MCM10: variants seen among roughly 807,000 people sequenced by gnomAD.
MCM10 encodes minichromosome maintenance 10 replication initiation factor, also known as protein MCM10 homolog.
Under a neutral mutation model 109.9 loss-of-function variants are expected in MCM10, and 91 were observed. That is an observed-to-expected ratio of 0.83 (90% CI 0.70 to 0.99). The LOEUF (loss-of-function observed/expected upper bound fraction) is 0.99, where lower values mean the gene tolerates loss of function less well. Ranked by LOEUF, MCM10 falls within the 50% of genes least tolerant of loss-of-function variation. The pLI is 0.00. For synonymous variants in MCM10, 380 were observed against 387.2 expected, an observed-to-expected ratio of 0.98 and a Z score of 0.22; for missense variants, 1,077 against 1,061.2, an observed-to-expected ratio of 1.01 and a Z score of -0.21.
chr10:13,184,317 G>C (rs964845319), intron 8 of MCM10, among the ~76,000 whole-genome samples: 2 of 152,092 alleles, frequency 1.3e-5, no homozygotes, highest in African/African-American at 4.8e-5. Context: ...AATTTTTATG[G>C]TGGCATCAAG....
Position 13,189,031 on chromosome 10 carries a change from G to T in MCM10, c.1366G>T (p.Asp456Tyr). Reference sequence around the variant, plus strand: ...CAGCCTCAAAGAACGGCTGTGCCAAGATGGCTTTTACTACGGAGGGGTTTC... The same window carrying T: ...CAGCCTCAAAGAACGGCTGTGCCAATATGGCTTTTACTACGGAGGGGTTTC... ...GTSLKERLCQ[D>Y]GFYYGGVSSA... Residue 456 changes from aspartate (D) to tyrosine (Y), a missense_variant, in exon 10 of 20, where the codon GAT (aspartate) becomes TAT (tyrosine). Coordinates refer to ENST00000378714, the MANE Select transcript of MCM10 (RefSeq NM_018518.5). 1.2e-6 allele frequency: 2 copies of T among 1,614,254 alleles called. No individual in the cohort carries two copies. The highest frequency in any genetic ancestry group is 1.7e-6 in the Non-Finnish European group (2 of 1,180,052).
In MCM10 at chr10:13,192,378, G is replaced by A. The variant is rs1219862668; in HGVS notation, c.1627+13G>A. The A allele has an allele frequency of 6.2e-7, 1 of 1,613,394 alleles. No individual in the cohort carries two copies. Among genetic ancestry groups the A allele is most frequent in the African/African-American group, 1.3e-5 (1 of 74,994 alleles). On this transcript the variant is annotated intron_variant, in intron 12 of 19. Coordinates refer to ENST00000378714, the MANE Select transcript of MCM10 (RefSeq NM_018518.5). ...GCCACAGCTTCAGGTACCATCAGCTGCATGGCCACACGTGTGTCCCTGTGT... is the reference window on the plus strand; with the variant it reads ...GCCACAGCTTCAGGTACCATCAGCTACATGGCCACACGTGTGTCCCTGTGT...
intron 17 of MCM10, 41 bp from the exon 18 acceptor site, chr10:13,204,178 G>T (rs753154826): frequency 1.9e-6 from 3 of 1,600,636 alleles, no homozygotes; most frequent in Admixed American, 1.7e-5. Context: ...GTCCTCAAAG[G>T]CTCTTCACCG....
At chr10:13,191,102 C>A (rs761132314) in intron 10 of MCM10, among the ~76,000 whole-genome samples, 197 bp from the exon 11 acceptor site, 22 of 152,106 alleles carry the variant, frequency 1.4e-4, no homozygotes, top group Non-Finnish European at 2.9e-4. Context: ...TTGTAGGCTG[C>A]CTCTAGCTTT....
intron 8 of MCM10, among the ~76,000 whole-genome samples, chr10:13,183,483 C>T (rs1203161437): frequency 6.6e-6 from 1 of 152,100 alleles, no homozygotes; most frequent in African/African-American, 2.4e-5. Flanking sequence ...TAGTCTACCT[C>T]CAGAAAATAA....
At position 13,189,065 on chromosome 10, in the gene MCM10, C is replaced by G. The variant is rs201257636; in HGVS notation, c.1400C>G (p.Ser467Trp). The G allele has an allele frequency of 2.0e-5, 33 of 1,614,192 alleles. 1 individual carries two copies. The Admixed American group carries it at 4.2e-4, about 20-fold the overall frequency. The change falls in exon 10 of 20, where the codon TCG (serine) becomes TGG (tryptophan). Residue 467 changes from serine (S) to tryptophan (W), a missense_variant. Coordinates refer to ENST00000378714, the MANE Select transcript of MCM10 (RefSeq NM_018518.5). ...TACTACGGAGGGGTTTCTTCTGCCT[C>G]GTATGCAGCTTCAATGTAAGACGTT... Reference protein sequence around the residue: ...GFYYGGVSSASYAASIAAAVA... With the variant: ...GFYYGGVSSAWYAASIAAAVA...
intron 9 of MCM10, among the ~76,000 whole-genome samples, chr10:13,187,479 C>T (rs538703592): frequency 8.3e-4 from 127 of 152,254 alleles, no homozygotes; most frequent in Middle Eastern, 3.4e-3. Flanking sequence ...TTTTCCACTC[C>T]CTTGGGCATA....
At chr10:13,169,350 C>T (rs1293935288) in intron 2 of MCM10, among the ~76,000 whole-genome samples, 1 of 152,202 alleles carries the variant, frequency 6.6e-6, no homozygotes, top group Non-Finnish European at 1.5e-5. Context: ...CACTTAACCT[C>T]ACTCCTTGTG....
chr10:13,181,772 A>G lies in MCM10; in HGVS notation c.931-1161A>G, dbSNP rs534383784. On this transcript the variant is annotated intron_variant, in intron 7 of 19. Transcript: ENST00000378714. ...GACAGGTCTGGTTTTCCTTTGATCA[A>G]ATTCTTAGTTACTTCATAAGTGGCT... is the stretch of plus-strand genomic sequence containing the variant. 5.9e-5 allele frequency among the ~76,000 whole-genome samples: 9 copies of G among 152,262 alleles called. No homozygotes were observed. In the East Asian group the frequency reaches 1.2e-3, roughly 20 times the overall value.
intron 18 of MCM10, among the ~76,000 whole-genome samples, chr10:13,208,754 A>C (rs1425790698): frequency 6.6e-6 from 1 of 152,150 alleles, no homozygotes; most frequent in Non-Finnish European, 1.5e-5. Context: ...CAGCTCCTTA[A>C]ATCTGAGTCT....
intron 18 of MCM10, among the ~76,000 whole-genome samples, chr10:13,208,342 C>T (rs1250586971): frequency 1.3e-5 from 2 of 151,972 alleles, no homozygotes; most frequent in African/African-American, 4.8e-5. Context: ...GAGCTGTGAT[C>T]GCACTACTGC....
At position 13,197,751 on chromosome 10, in the gene MCM10, C is replaced by A. The variant is rs199653608; in HGVS notation, c.2103C>A (p.Thr701=). The A allele has an allele frequency of 4.3e-5, 69 of 1,611,726 alleles. No homozygotes were observed. The highest frequency in any genetic ancestry group is 5.6e-5 in the Non-Finnish European group (66 of 1,179,518). Residue 701 remains threonine, a synonymous_variant, in exon 15 of 20, where the codon ACC becomes ACA. Coordinates refer to ENST00000378714, the MANE Select transcript of MCM10 (RefSeq NM_018518.5). ...TGAAGGAACGTGTAGAAAAAAACACCATGTTTTCTTCTCAAGGTACTGCAG... is the reference window on the plus strand; with the variant it reads ...TGAAGGAACGTGTAGAAAAAAACACAATGTTTTCTTCTCAAGGTACTGCAG... ...LEVKERVEKN[T]MFSSQAEDEL... is the part of the protein sequence containing the mutation.
chr10:13,201,303 T>C (rs1053392159), intron 16 of MCM10, 118 bp from the exon 17 acceptor site: 1 of 694,474 alleles, frequency 1.4e-6, no homozygotes, highest in Non-Finnish European at 2.5e-6. Flanking sequence ...TTCCATTCTG[T>C]TCTGTTTTGA....
rs920558009 is a variant in MCM10 at position 13,199,884 on chromosome 10, G to A, written c.2238+1077G>A. 3.9e-5 allele frequency among the ~76,000 whole-genome samples: 6 copies of A among 152,256 alleles called. No homozygotes were observed. The South Asian group carries it at 8.3e-4, about 21-fold the overall frequency. On this transcript the variant is annotated intron_variant, in intron 16 of 19. Transcript: ENST00000378714. The stretch of plus-strand genomic sequence containing the variant: ...GGAGGGGTGTTCAGACAGGGTCTCC[G>A]TATGTTCCCCAAGCTGGTCTTGAAC...
chr10:13,196,422 C>T (rs1834422434), intron 14 of MCM10, among the ~76,000 whole-genome samples: 1 of 152,168 alleles, frequency 6.6e-6, no homozygotes, highest in Admixed American at 6.5e-5. Flanking sequence ...ATAATAACAA[C>T]AGGAATACCT....
chr10:13,164,325 T>G, intron 2 of MCM10, 116 bp downstream of exon 2: 1 of 970,336 alleles, frequency 1.0e-6, no homozygotes, highest in East Asian at 2.7e-5. Flanking sequence ...CCTCAGGTAT[T>G]GTCTTAGTGG....
At chr10:13,185,000 A>G (rs979179448) in intron 8 of MCM10, among the ~76,000 whole-genome samples, 1 of 152,210 alleles carries the variant, frequency 6.6e-6, no homozygotes, top group Non-Finnish European at 1.5e-5. Context: ...GGTTCAGCAT[A>G]AACCAAGCTA....
chr10:13,176,956 C>T (rs559299710), intron 6 of MCM10, among the ~76,000 whole-genome samples: 1 of 152,312 alleles, frequency 6.6e-6, no homozygotes, highest in South Asian at 2.1e-4. Flanking sequence ...GTATTTATAT[C>T]TTAATTACAT....
rs761427166 is a variant in MCM10, at chr10:13,192,595, C to A, written c.1745+27C>A. The stretch of plus-strand genomic sequence containing the variant: ...TAAGAGGAGCAGATTTAATATTCCC[C>A]GCTTGGGTCATCCATCTCAGGCGTC... On this transcript the variant is annotated intron_variant, in intron 13 of 19. Coordinates refer to ENST00000378714, the MANE Select transcript of MCM10 (RefSeq NM_018518.5). 6.3e-6 allele frequency: 10 copies of A among 1,599,646 alleles called. No individual in the cohort carries two copies. In the Admixed American group the frequency reaches 1.5e-4, roughly 24 times the overall value.
Sources: gnomAD v4.1 joint callset for allele counts (sites outside exome capture counted in the v4.1 genomes callset) on GRCh38, gnomAD v4.1.1 for gene constraint, MANE v1.5 for transcripts, NCBI Gene and HGNC (gene_info 2026-07-23, HGNC 2026-07-21) for gene names.